PCGF5: variants seen among roughly 807,000 people sequenced by gnomAD.
The protein encoded by PCGF5 is polycomb group RING finger protein 5.
A neutral mutation model predicts 44.3 loss-of-function variants in PCGF5; 9 were observed. The ratio of observed to expected loss-of-function variants is 0.20; its 90% CI spans 0.12 to 0.35. The LOEUF is 0.35. Among genes scored for constraint, PCGF5 ranks in the 10% least tolerant of loss-of-function variants. The probability of loss-of-function intolerance (pLI) is 1.00; values close to 1 mark genes in which losing one functional copy is unlikely to be tolerated. For synonymous variants in PCGF5, 95 were observed against 102.5 expected, an observed-to-expected ratio of 0.93 and a Z score of 0.44; for missense variants, 146 against 305.3, an observed-to-expected ratio of 0.48 and a Z score of 3.89.
At chr10:91,195,853 C>T (rs541094204) in intron 1 of PCGF5, among the ~76,000 whole-genome samples, 1 of 151,618 alleles carries the variant, frequency 6.6e-6, no homozygotes, top group East Asian at 1.9e-4. Context: ...TCCCAAAGAA[C>T]AGCATTTGTG....
At chr10:91,175,047 T>C (rs1029786278) in intron 1 of PCGF5, among the ~76,000 whole-genome samples, 2 of 152,146 alleles carry the variant, frequency 1.3e-5, no homozygotes, top group Non-Finnish European at 2.9e-5. Context: ...AGTCACTGTA[T>C]CCCTAAGAAT....
chr10:91,157,464 C>A, the PCGF5 span, among the ~76,000 whole-genome samples: 9 of 152,156 alleles, frequency 5.9e-5, no homozygotes, highest in Non-Finnish European at 1.3e-4. Flanking sequence ...GAAGTTGGTT[C>A]TTCTGCTGGG....
At position 91,282,822 on chromosome 10, in the gene PCGF5, A is replaced by G. The variant is rs923505354; in HGVS notation, c.*4506A>G. ...AATAAGATATTGGTTGGTAGTAGGA[A>G]CTTCAAAAATGAATGAGTTTGCCAT... On this transcript the variant is annotated 3_prime_UTR_variant, in exon 10 of 10. Coordinates refer to ENST00000336126, the MANE Select transcript of PCGF5 (RefSeq NM_032373.5). The G allele has an allele frequency of 5.2e-5, 8 of 152,668 alleles. No homozygotes were observed. In the South Asian group the frequency reaches 6.2e-4, roughly 12 times the overall value. 9.5% of individuals were successfully genotyped at this position (152,668 alleles called of 1,614,324 possible). A position where few individuals can be genotyped will look rare whatever the true frequency, so the allele number is the denominator to read the frequency against.
chr10:91,264,657 C>G (rs1846003556), intron 8 of PCGF5, 137 bp downstream of exon 8: 3 of 616,350 alleles, frequency 4.9e-6, no homozygotes, highest in Non-Finnish European at 8.3e-6. Context: ...GCTACTGTTT[C>G]TCCTAGCACT....
chr10:91,175,597 A>G (rs1216526031), intron 1 of PCGF5, among the ~76,000 whole-genome samples: 1 of 152,230 alleles, frequency 6.6e-6, no homozygotes, highest in Non-Finnish European at 1.5e-5. Flanking sequence ...CTTAAATGTA[A>G]ATGAATAGGA....
rs1435804011 is a variant in PCGF5 at position 91,279,518 on chromosome 10, C to T, written c.*1202C>T. The T allele has an allele frequency of 6.6e-6, 1 of 152,052 alleles. No individual in the cohort carries two copies. The highest frequency in any genetic ancestry group is 1.5e-5 in the Non-Finnish European group (1 of 67,964). 9.4% of individuals were successfully genotyped at this position (152,052 alleles called of 1,614,324 possible). A position where few individuals can be genotyped will look rare whatever the true frequency, so the allele number is the denominator to read the frequency against. On this transcript the variant is annotated 3_prime_UTR_variant, in exon 10 of 10. Coordinates refer to ENST00000336126, the MANE Select transcript of PCGF5 (RefSeq NM_032373.5). ...CATTAAGATCAGAAATACAAAATGT[C>T]CTGTATTTTGCAGTTTTGTTAAGTC...
intron 2 of PCGF5, chr10:91,227,493 GT>G: frequency 7.9e-7 from 1 of 1,273,276 alleles, no homozygotes; most frequent in Non-Finnish European, 1.0e-6. Flanking sequence ...ACTGGGCAAA[GT>G]CCTGCTGGTC....
intron 1 of PCGF5, among the ~76,000 whole-genome samples, chr10:91,174,540 A>G (rs1330265672): frequency 6.6e-6 from 1 of 152,234 alleles, no homozygotes; most frequent in African/African-American, 2.4e-5. Context: ...TTGTTTGATT[A>G]TAATCTACTG....
At chr10:91,157,040 C>T in the PCGF5 span, among the ~76,000 whole-genome samples, 74 of 152,272 alleles carry the variant, frequency 4.9e-4, no homozygotes, top group Non-Finnish European at 8.8e-4. Context: ...TTAAACTTCT[C>T]TGGGCCTCAG....
the PCGF5 span, among the ~76,000 whole-genome samples, chr10:91,157,269 G>A: frequency 6.6e-6 from 1 of 152,174 alleles, no homozygotes; most frequent in Non-Finnish European, 1.5e-5. Flanking sequence ...TTAACAGACT[G>A]AGGACATTGC....
At chr10:91,167,826 T>C (rs1024984342) in intron 1 of PCGF5, among the ~76,000 whole-genome samples, 1 of 152,186 alleles carries the variant, frequency 6.6e-6, no homozygotes, top group Non-Finnish European at 1.5e-5. Context: ...TGAAATATTC[T>C]CCAGAAGAGA....
chr10:91,191,664 T>A (rs901593565), intron 1 of PCGF5, among the ~76,000 whole-genome samples: 10 of 152,312 alleles, frequency 6.6e-5, no homozygotes, highest in African/African-American at 2.4e-4. Flanking sequence ...CTCAGTACAG[T>A]GATGTCCTAT....
chr10:91,247,685 A>G (rs1178991463), intron 3 of PCGF5, among the ~76,000 whole-genome samples: 1 of 152,150 alleles, frequency 6.6e-6, no homozygotes, highest in African/African-American at 2.4e-5. Context: ...AAAAATGTCA[A>G]GATAAACATT....
In PCGF5 at chr10:91,202,006, C is replaced by T. The variant is rs112583471; in HGVS notation, c.-183-20683C>T. ...GTCCTGGACTTGGGAGCTACACTGTCCAGGATTATATCCAAGCCTTGCATT... is the reference window on the plus strand; with the variant it reads ...GTCCTGGACTTGGGAGCTACACTGTTCAGGATTATATCCAAGCCTTGCATT... On this transcript the variant is annotated intron_variant, in intron 1 of 9. Coordinates refer to the PCGF5 transcript ENST00000614189. 2.7e-3 allele frequency among the ~76,000 whole-genome samples: 414 copies of T among 152,222 alleles called. 4 individuals carry two copies. The highest frequency in any genetic ancestry group is 4.5e-3 in the Non-Finnish European group (307 of 68,004).
At chr10:91,215,547 C>T (rs1844525386), upstream of PCGF5, among the ~76,000 whole-genome samples, 1 of 152,208 alleles carries the variant, frequency 6.6e-6, no homozygotes, top group Admixed American at 6.5e-5. Context: ...CAAATGTGCC[C>T]TCTTTTGCTG....
At chr10:91,254,717 T>G (rs1454323952) in intron 6 of PCGF5, among the ~76,000 whole-genome samples, 1 of 152,072 alleles carries the variant, frequency 6.6e-6, no homozygotes, top group Non-Finnish European at 1.5e-5. Flanking sequence ...AATACAGAAG[T>G]CAAAGTCAAG....
At chr10:91,210,748 G>A (rs1235148522) in intron 1 of PCGF5, among the ~76,000 whole-genome samples, 1 of 152,194 alleles carries the variant, frequency 6.6e-6, no homozygotes, top group African/African-American at 2.4e-5. Flanking sequence ...TCTCTGTCCT[G>A]TGAGCTACAT....
chr10:91,181,128 T>G (rs1353588494), intron 1 of PCGF5, among the ~76,000 whole-genome samples: 1 of 152,182 alleles, frequency 6.6e-6, no homozygotes, highest in African/African-American at 2.4e-5. Flanking sequence ...GGAGTTCATT[T>G]GTGATTTGGC....
chr10:91,217,632 T>C (rs552080522), upstream of PCGF5, among the ~76,000 whole-genome samples: 1 of 152,224 alleles, frequency 6.6e-6, no homozygotes, highest in Non-Finnish European at 1.5e-5. Flanking sequence ...AATACTCAAA[T>C]GCAGCAGTTA....
Sources: allele counts gnomAD v4.1 joint callset (sites outside exome capture counted in the v4.1 genomes callset), GRCh38; gene constraint gnomAD v4.1.1; transcripts MANE v1.5; gene names NCBI Gene and HGNC (gene_info 2026-07-23, HGNC 2026-07-21).